Variants in CCSER1 observed in about 807,000 individuals in gnomAD.
CCSER1 encodes the protein coiled-coil serine rich protein 1.
A neutral mutation model predicts 82.0 loss-of-function variants in CCSER1; 41 were observed. That is an observed-to-expected ratio of 0.50 (90% confidence interval 0.39 to 0.65). The LOEUF (loss-of-function observed/expected upper bound fraction) is 0.65, where lower values mean the gene tolerates loss of function less well. Among genes scored for constraint, CCSER1 ranks in the 30% least tolerant of loss-of-function variants. CCSER1 has a pLI of 0.00. For missense variants in CCSER1, 1,119 were observed against 1,064.2 expected (o/e 1.05, Z -0.72); for synonymous variants, 414 against 383.9 (o/e 1.08, Z -0.92).
intron 1 of CCSER1, among the ~76,000 whole-genome samples, chr4:90,215,374 C>CT (rs1320921625): frequency 2.0e-5 from 3 of 152,164 alleles, no homozygotes; most frequent in Admixed American, 2.0e-4. Context: ...GTATATATTT[C>CT]TTAAGCATAT....
chr4:90,939,054 A>T (rs1014344959), intron 9 of CCSER1, among the ~76,000 whole-genome samples: 2 of 152,102 alleles, frequency 1.3e-5, no homozygotes, highest in African/African-American at 4.8e-5. Flanking sequence ...CACTCTTCTC[A>T]TCCATGTCAT....
At chr4:91,124,299 CAA>C (rs929770951) in intron 10 of CCSER1, among the ~76,000 whole-genome samples, 20 of 151,832 alleles carry the variant, frequency 1.3e-4, no homozygotes, top group African/African-American at 3.4e-4. Context: ...GTAAATAAAA[CAA>C]GAGAAATTCT....
At chr4:91,200,704 G>A (rs190543373) in intron 10 of CCSER1, among the ~76,000 whole-genome samples, 23 of 152,040 alleles carry the variant, frequency 1.5e-4, no homozygotes, top group African/African-American at 4.6e-4. Context: ...ATTTGTACGC[G>A]TTTGGAACAG....
intron 1 of CCSER1, among the ~76,000 whole-genome samples, chr4:90,184,395 G>A (rs886458434): frequency 6.6e-6 from 1 of 152,074 alleles, no homozygotes; most frequent in Non-Finnish European, 1.5e-5. Context: ...GATGGCTGAA[G>A]ATCTGACTGA....
intron 6 of CCSER1, among the ~76,000 whole-genome samples, chr4:90,685,991 G>A (rs1055146657): frequency 1.3e-5 from 2 of 152,130 alleles, no homozygotes; most frequent in East Asian, 1.9e-4. Flanking sequence ...TTCCTATTGA[G>A]TGGGTTTGGT....
chr4:90,491,778 G>A (rs1327145259), intron 5 of CCSER1, among the ~76,000 whole-genome samples: 2 of 152,170 alleles, frequency 1.3e-5, no homozygotes, highest in African/African-American at 2.4e-5. Flanking sequence ...AGATAATCAT[G>A]TGGTTTTTGT....
intron 3 of CCSER1, among the ~76,000 whole-genome samples, chr4:90,373,299 G>C (rs1747764017): frequency 6.6e-6 from 1 of 152,142 alleles, no homozygotes; most frequent in Admixed American, 6.5e-5. Context: ...TAACCACCAT[G>C]ATGAGGAAGA....
intron 10 of CCSER1, among the ~76,000 whole-genome samples, chr4:91,102,681 T>C (rs922540698): frequency 1.3e-5 from 2 of 150,340 alleles, no homozygotes; most frequent in Admixed American, 1.3e-4. Flanking sequence ...ACATATTTAT[T>C]TGAAAGTATA....
chr4:90,471,884 G>A (rs1294632568), intron 5 of CCSER1, among the ~76,000 whole-genome samples: 1 of 152,016 alleles, frequency 6.6e-6, no homozygotes, highest in Non-Finnish European at 1.5e-5. Context: ...GGCTGAGGCA[G>A]GAGAACCACT....
Position 91,241,705 on chromosome 4 carries a change from A to G in CCSER1, c.2217+155711A>G, listed in dbSNP as rs1376271644. Among the ~76,000 whole-genome samples, 6 of 152,280 alleles carry G rather than the reference A, an allele frequency of 3.9e-5. No homozygotes were observed. The East Asian group carries it at 7.7e-4, about 20-fold the overall frequency. Reference sequence around the variant, plus strand: ...GTGTTTTCATATCCATTTAATATCCATAATCTGTCACCACATTTTACTTTT... The same window carrying G: ...GTGTTTTCATATCCATTTAATATCCGTAATCTGTCACCACATTTTACTTTT... On this transcript the variant is annotated intron_variant, in intron 10 of 10. Transcript: ENST00000509176.
At chr4:90,266,418 G>A (rs7356351) in intron 1 of CCSER1, among the ~76,000 whole-genome samples, 8,317 of 151,712 alleles carry the variant, frequency 0.055, 617 homozygotes, top group African/African-American at 0.17. Context: ...TATTAAAATT[G>A]GGAATTTTTT....
chr4:91,436,459 A>T (rs1754655532), intron 10 of CCSER1, among the ~76,000 whole-genome samples: 1 of 152,152 alleles, frequency 6.6e-6, no homozygotes, highest in South Asian at 2.1e-4. Flanking sequence ...ATCTTGCCTC[A>T]ATGAGAGTTA....
chr4:90,744,511 G>A (rs1747083931), intron 7 of CCSER1, among the ~76,000 whole-genome samples: 2 of 152,020 alleles, frequency 1.3e-5, no homozygotes, highest in Non-Finnish European at 2.9e-5. Context: ...ACTATTGTTG[G>A]ATACCTATAT....
intron 3 of CCSER1, among the ~76,000 whole-genome samples, chr4:90,317,709 A>G (rs1467847130): frequency 2.0e-5 from 3 of 152,324 alleles, no homozygotes; most frequent in South Asian, 2.1e-4. Flanking sequence ...CACTTAGGCT[A>G]CATGTTTATT....
chr4:91,309,854 A>G (rs190562464), intron 10 of CCSER1, among the ~76,000 whole-genome samples: 76 of 152,116 alleles, frequency 5.0e-4, no homozygotes, highest in Middle Eastern at 3.4e-3. Flanking sequence ...CAGGCCTGCC[A>G]TAACAGAGGG....
intron 9 of CCSER1, among the ~76,000 whole-genome samples, chr4:90,997,196 C>T (rs1300106503): frequency 4.6e-5 from 7 of 152,020 alleles, no homozygotes; most frequent in Non-Finnish European, 7.4e-5. Flanking sequence ...AGGGGAGAGT[C>T]GGCTTCCTAG....
intron 3 of CCSER1, among the ~76,000 whole-genome samples, chr4:90,342,362 G>T (rs1403722604): frequency 6.6e-6 from 1 of 152,050 alleles, no homozygotes; most frequent in Non-Finnish European, 1.5e-5. Flanking sequence ...CACGTCTCTT[G>T]TCATCTTGCT....
intron 10 of CCSER1, among the ~76,000 whole-genome samples, chr4:91,114,014 G>A (rs1368743458): frequency 4.6e-5 from 7 of 151,940 alleles, no homozygotes; most frequent in Non-Finnish European, 1.5e-5. Context: ...TACCACGCCC[G>A]GCTAATTTTT....
At position 90,458,155 on chromosome 4, in the gene CCSER1, A is replaced by G. The variant is rs1490315693; in HGVS notation, c.1604-10079A>G. On this transcript the variant is annotated intron_variant, in intron 4 of 10. Transcript: ENST00000509176. ...CAAGAGCTCAGGAATTCCTGAGTCC[A>G]TAGCCGCAGCTGGTTTGCTGCGGCT... Among the ~76,000 whole-genome samples, 5 of 152,256 alleles carry G rather than the reference A, an allele frequency of 3.3e-5. No homozygotes were observed. In the South Asian group the frequency reaches 6.2e-4, roughly 19 times the overall value.
Sources: gnomAD v4.1 joint callset for allele counts (sites outside exome capture counted in the v4.1 genomes callset) on GRCh38, gnomAD v4.1.1 for gene constraint, MANE v1.5 for transcripts, NCBI Gene and HGNC (gene_info 2026-07-23, HGNC 2026-07-21) for gene names.